Variants in SRP54 observed in about 807,000 individuals in gnomAD.
SRP54 encodes the protein signal recognition particle subunit SRP54.
SRP54 carries 10 observed loss-of-function variants against 64.8 expected under a neutral mutation model. The observed-to-expected ratio is 0.15, with a 90% CI of 0.10 to 0.26. The LOEUF is 0.26. Among genes scored for constraint, SRP54 ranks in the 10% least tolerant of loss-of-function variants. The probability of loss-of-function intolerance (pLI) is 1.00; values close to 1 mark genes in which losing one functional copy is unlikely to be tolerated. For synonymous variants in SRP54, 193 were observed against 185.6 expected, an observed-to-expected ratio of 1.04 and a Z score of -0.32; for missense variants, 325 against 613.7, an observed-to-expected ratio of 0.53 and a Z score of 4.97.
In SRP54 at chr14:34,984,605, A is replaced by C. The variant is rs531676019; in HGVS notation, c.-34+1390A>C. Among the ~76,000 whole-genome samples, 54 of 152,136 alleles carry C rather than the reference A, an allele frequency of 3.5e-4. 1 individual carries two copies. Among genetic ancestry groups the C allele is most frequent in the African/African-American group, 1.2e-3 (49 of 41,526 alleles). ...CAACCTCCGCCTCCCAGGTTCAAGC[A>C]ATTCTCCTGCCTCAGCCTTCCGAGT... On this transcript the variant is annotated intron_variant, in intron 1 of 15. Transcript: ENST00000216774.
intron 11 of SRP54, among the ~76,000 whole-genome samples, chr14:35,016,440 A>T (rs1012127939): frequency 2.6e-5 from 4 of 152,138 alleles, no homozygotes; most frequent in African/African-American, 4.8e-5. Context: ...TCAAATGTAC[A>T]TTCCTGTCTC....
intron 1 of SRP54, among the ~76,000 whole-genome samples, chr14:34,986,709 C>T (rs905119566): frequency 2.0e-5 from 3 of 151,972 alleles, no homozygotes; most frequent in Non-Finnish European, 2.9e-5. Context: ...GAAAACCCAT[C>T]TCTACTACAA....
chr14:35,024,334 T>A (rs1321386342), intron 14 of SRP54, among the ~76,000 whole-genome samples: 2 of 152,192 alleles, frequency 1.3e-5, no homozygotes, highest in Non-Finnish European at 2.9e-5. Flanking sequence ...CGGCCTCACT[T>A]CCATTTTAAT....
At chr14:35,024,743 T>C (rs2044594216) in intron 14 of SRP54, among the ~76,000 whole-genome samples, 1 of 152,046 alleles carries the variant, frequency 6.6e-6, no homozygotes, top group South Asian at 2.1e-4. Context: ...TCTTCTTTTT[T>C]TGAGACAGAG....
Position 35,011,721 on chromosome 14 carries a change from G to A in SRP54, c.636+62G>A, listed in dbSNP as rs911166641. The A allele has an allele frequency of 3.7e-6, 5 of 1,368,504 alleles. No individual in the cohort carries two copies. The African/African-American group carries it at 5.8e-5, about 16-fold the overall frequency. 84.8% of individuals were successfully genotyped at this position (1,368,504 alleles called of 1,614,324 possible). A position where few individuals can be genotyped will look rare whatever the true frequency, so the allele number is the denominator to read the frequency against. On this transcript the variant is annotated intron_variant, in intron 8 of 15. Coordinates refer to ENST00000216774, the MANE Select transcript of SRP54 (RefSeq NM_003136.4). Reference sequence around the variant, plus strand: ...TTGGTTAATTTAATTATAAAACCAGGTTGAGTATATGACCAATATAAATTA... The same window carrying A: ...TTGGTTAATTTAATTATAAAACCAGATTGAGTATATGACCAATATAAATTA...
At chr14:34,983,298 C>A (rs2043836526) in intron 1 of SRP54, 83 bp downstream of exon 1, 1 of 152,224 alleles carries the variant, frequency 6.6e-6, no homozygotes, top group Non-Finnish European at 1.5e-5. Flanking sequence ...CGAGAGACTC[C>A]GGGGGAAGTC....
chr14:35,022,857 T>C, intron 13 of SRP54, 53 bp from the exon 14 acceptor site: 1 of 1,476,906 alleles, frequency 6.8e-7, no homozygotes, highest in Admixed American at 2.1e-5. Context: ...TGCACATAAC[T>C]GCTTTGATGG....
chr14:35,020,817 C>T (rs1418325755), intron 13 of SRP54, among the ~76,000 whole-genome samples: 1 of 152,174 alleles, frequency 6.6e-6, no homozygotes, highest in African/African-American at 2.4e-5. Flanking sequence ...ACTCCTATGG[C>T]ATATTCAGTT....
chr14:34,998,998 TGTGTGTGTGTGTGTG>T lies in SRP54; in HGVS notation c.79-557_79-543del, dbSNP rs1366688556. ...ATGTGTGTGTGTGTGTGTGTGTGTG[TGTGTGTGTGTGTGTG>T]GTTTTTTTTTTTTTTTTTTGAGACA... On this transcript the variant is annotated intron_variant, in intron 2 of 15. Transcript: ENST00000216774. Among the ~76,000 whole-genome samples the T allele has an allele frequency of 1.4e-3, 124 of 90,002 alleles. 1 individual carries two copies. The highest frequency in any genetic ancestry group is 4.3e-3 in the African/African-American group (121 of 28,346). The allele number at this position is 90,002 out of a possible 152,430, so 59.0% of individuals were successfully genotyped here.
intron 1 of SRP54, among the ~76,000 whole-genome samples, chr14:34,992,484 T>C (rs2043996523): frequency 6.6e-6 from 1 of 152,198 alleles, no homozygotes; most frequent in South Asian, 2.1e-4. Context: ...ATCATGTCCT[T>C]TGCAGCAACA....
intron 5 of SRP54, 26 bp from the exon 6 acceptor site, chr14:35,008,601 A>G (rs941373760): frequency 3.5e-6 from 5 of 1,442,498 alleles, no homozygotes; most frequent in Non-Finnish European, 3.7e-6. Flanking sequence ...TTATGATATT[A>G]TATTTTTAAA....
intron 5 of SRP54, 84 bp downstream of exon 5, chr14:35,007,471 A>G: frequency 3.6e-6 from 2 of 562,684 alleles, no homozygotes; most frequent in Non-Finnish European, 2.7e-6. Flanking sequence ...AAAAATGTAA[A>G]GCCTGGCTTT....
At chr14:34,988,599 T>TATATATATATATATATATAAC (rs2043939678) in intron 1 of SRP54, among the ~76,000 whole-genome samples, 1 of 103,534 alleles carries the variant, frequency 9.7e-6, no homozygotes, top group Non-Finnish European at 2.2e-5. Flanking sequence ...ATATATAACA[T>TATATATATATATATATATAAC]ATATATATAT....
At chr14:35,016,848 T>C (rs372772444) in intron 11 of SRP54, among the ~76,000 whole-genome samples, 22,985 of 140,656 alleles carry the variant, frequency 0.16, 1,864 homozygotes, top group East Asian at 0.29. Flanking sequence ...TTCTTTTCTT[T>C]TTTTTTTTTT....
rs140220691 is a variant in SRP54, at chr14:34,998,128, G to A, written c.78+1341G>A. On this transcript the variant is annotated intron_variant, in intron 2 of 15. Transcript: ENST00000216774. ...AATGAGGGATAGAGAAAACTGGTAA[G>A]CCTCTCTCTGTAGGGCATATGAAGT... is the stretch of plus-strand genomic sequence containing the variant. Among the ~76,000 whole-genome samples, 641 of 152,220 alleles carry A rather than the reference G, an allele frequency of 4.2e-3. 3 individuals carry two copies. Among genetic ancestry groups the A allele is most frequent in the Middle Eastern group, 6.8e-3 (2 of 294 alleles).
chr14:35,008,921 C>G, intron 7 of SRP54, 90 bp downstream of exon 7: 1 of 1,037,454 alleles, frequency 9.6e-7, no homozygotes, highest in Non-Finnish European at 1.4e-6. Context: ...GAGTCTCCCT[C>G]TGTCACCCAG....
chr14:34,988,586 T>TATATATATATATATATATC (rs2043937414), intron 1 of SRP54, among the ~76,000 whole-genome samples: 1 of 112,940 alleles, frequency 8.9e-6, no homozygotes, highest in Non-Finnish European at 1.9e-5. Flanking sequence ...AAAATATATA[T>TATATATATATATATATATC]ATATATATAA....
In SRP54 at chr14:34,996,675, A is replaced by G; in HGVS notation, c.-33-2A>G. ...TCTCACTTAATTTTTTTTCTGCTGTAGAGTTCTTCGTAAGTACATCTTAAA... is the reference window on the plus strand; with the variant it reads ...TCTCACTTAATTTTTTTTCTGCTGTGGAGTTCTTCGTAAGTACATCTTAAA... On this transcript the variant is annotated splice_acceptor_variant, in intron 1 of 15. Coordinates refer to ENST00000216774, the MANE Select transcript of SRP54 (RefSeq NM_003136.4). LOFTEE classifies it low-confidence loss of function (5UTR_SPLICE). 6 of 1,457,038 alleles carry G rather than the reference A, an allele frequency of 4.1e-6. No individual in the cohort carries two copies. Among genetic ancestry groups the G allele is most frequent in the Non-Finnish European group, 4.8e-6 (5 of 1,036,876 alleles). 90.3% of individuals were successfully genotyped at this position (1,457,038 alleles called of 1,614,324 possible).
intron 1 of SRP54, among the ~76,000 whole-genome samples, chr14:34,987,993 T>A (rs111912185): frequency 1.5e-3 from 232 of 152,274 alleles, no homozygotes; most frequent in African/African-American, 5.5e-3. Context: ...TGGGAAACCT[T>A]GCTTAAATTA....
Sources: allele counts gnomAD v4.1 joint callset (sites outside exome capture counted in the v4.1 genomes callset), GRCh38; gene constraint gnomAD v4.1.1; transcripts MANE v1.5; gene names NCBI Gene and HGNC (gene_info 2026-07-23, HGNC 2026-07-21).